Variants in SHTN1 observed in about 807,000 individuals in gnomAD.
The protein encoded by SHTN1 is shootin 1, also known as shootin-1.
SHTN1 carries 42 observed loss-of-function variants against 83.1 expected under a neutral mutation model. The ratio of observed to expected loss-of-function variants is 0.51; its 90% CI spans 0.39 to 0.65. The LOEUF (loss-of-function observed/expected upper bound fraction) is 0.65. SHTN1 is among the 30% of genes least tolerant of loss of function. The pLI is 0.00. For synonymous variants in SHTN1, 224 were observed against 247.7 expected (o/e 0.90, Z 0.90); for missense variants, 622 against 737.8 (o/e 0.84, Z 1.82).
intron 10 of SHTN1, among the ~76,000 whole-genome samples, chr10:116,928,518 C>T (rs1261167887): frequency 1.3e-5 from 2 of 152,186 alleles, no homozygotes; most frequent in African/African-American, 2.4e-5. Flanking sequence ...AATGGTGCTA[C>T]AGGAGACGTA....
intron 16 of SHTN1, among the ~76,000 whole-genome samples, chr10:116,895,938 C>T (rs1847501253): frequency 6.6e-6 from 1 of 152,114 alleles, no homozygotes; most frequent in South Asian, 2.1e-4. Context: ...TAGTGAAATA[C>T]AGTAACAACA....
chr10:116,960,023 G>C, intron 4 of SHTN1, 113 bp downstream of exon 4: 1 of 625,924 alleles, frequency 1.6e-6, no homozygotes, highest in East Asian at 2.7e-5. Context: ...CTCATCATCA[G>C]AGTAGATAAT....
intron 1 of SHTN1, among the ~76,000 whole-genome samples, chr10:116,987,738 A>AACC (rs1406189510): frequency 1.3e-5 from 2 of 152,094 alleles, no homozygotes; most frequent in African/African-American, 4.8e-5. Flanking sequence ...AACATAGTGA[A>AACC]ACCCCGTCTC....
intron 1 of SHTN1, among the ~76,000 whole-genome samples, chr10:117,059,813 G>A (rs1050863877): frequency 1.3e-5 from 2 of 152,154 alleles, no homozygotes; most frequent in Non-Finnish European, 2.9e-5. Context: ...AGTTTTGGAA[G>A]ATTGTACCAT....
At chr10:117,118,815 G>A (rs1237442215) in intron 1 of SHTN1, among the ~76,000 whole-genome samples, 1 of 152,178 alleles carries the variant, frequency 6.6e-6, no homozygotes, top group African/African-American at 2.4e-5. Flanking sequence ...TCAGGAAGAA[G>A]AGCTAATGGA....
chr10:117,044,080 A>T (rs555620927), intron 2 of SHTN1, among the ~76,000 whole-genome samples: 1 of 152,282 alleles, frequency 6.6e-6, no homozygotes, highest in African/African-American at 2.4e-5. Flanking sequence ...ACTATTTTTT[A>T]AGTTACGAAA....
intron 7 of SHTN1, 25 bp downstream of exon 7, chr10:116,948,891 A>G (rs367823527): frequency 1.3e-6 from 2 of 1,491,112 alleles, no homozygotes; most frequent in African/African-American, 2.8e-5. Flanking sequence ...TACGTATTTG[A>G]GAAAAAAAGA....
intron 16 of SHTN1, among the ~76,000 whole-genome samples, chr10:116,899,506 GGTGTGTGTGTGTGT>G (rs370396879): frequency 8.8e-5 from 11 of 124,500 alleles, no homozygotes; most frequent in Non-Finnish European, 1.2e-4. Flanking sequence ...GGCTGGGGCT[GGTGTGTGTGTGTGT>G]GTGTGTGTGT....
chr10:117,007,531 G>C (rs1427938353), upstream of SHTN1, among the ~76,000 whole-genome samples: 1 of 143,250 alleles, frequency 7.0e-6, no homozygotes, highest in African/African-American at 2.6e-5. Flanking sequence ...CTGCAGCCTG[G>C]GTGACAGAGT....
intron 1 of SHTN1, among the ~76,000 whole-genome samples, chr10:117,122,753 A>C (rs1355112390): frequency 6.6e-6 from 1 of 152,256 alleles, no homozygotes; most frequent in Non-Finnish European, 1.5e-5. Context: ...ATCTAGGAAC[A>C]GCAATTCCAA....
chr10:116,920,223 C>T (rs1848509462), intron 12 of SHTN1, among the ~76,000 whole-genome samples: 1 of 152,082 alleles, frequency 6.6e-6, no homozygotes, highest in South Asian at 2.1e-4. Context: ...GCTATCTGCC[C>T]AGAATCTGCA....
At chr10:117,024,106 A>ATGAT (rs79729476) in intron 2 of SHTN1, among the ~76,000 whole-genome samples, 1 of 151,268 alleles carries the variant, frequency 6.6e-6, no homozygotes, top group African/African-American at 2.4e-5. Context: ...GGCACTCTGA[A>ATGAT]TTTTTTTAAA....
At chr10:117,052,862 C>T (rs189514880) in intron 1 of SHTN1, among the ~76,000 whole-genome samples, 121 of 150,248 alleles carry the variant, frequency 8.1e-4, no homozygotes, top group African/African-American at 2.6e-3. Context: ...TACAAAAATA[C>T]CAACAAAAAT....
chr10:116,968,146 C>A (rs1389078259), intron 3 of SHTN1, among the ~76,000 whole-genome samples: 1 of 152,154 alleles, frequency 6.6e-6, no homozygotes, highest in African/African-American at 2.4e-5. Context: ...CTTGCTACTG[C>A]ACTCCAGCCT....
At chr10:116,888,135 T>G (rs190201440) in intron 16 of SHTN1, among the ~76,000 whole-genome samples, 66 of 152,272 alleles carry the variant, frequency 4.3e-4, no homozygotes, top group Admixed American at 2.0e-3. Flanking sequence ...ACAAAAATAA[T>G]CAGGAGCCTG....
rs557036222 is a variant in SHTN1 at position 116,945,736 on chromosome 10, T to C, written c.617-718A>G. 5.0e-4 allele frequency among the ~76,000 whole-genome samples: 76 copies of C among 152,316 alleles called. No individual in the cohort carries two copies. In the South Asian group the frequency reaches 8.7e-3, roughly 17 times the overall value. ...AAAATTTGACATTTGGCATGTGTCT[T>C]AAAGCAACTCTTGGACATGTGCACC... On this transcript the variant is annotated intron_variant, in intron 7 of 16. Coordinates refer to ENST00000355371, the MANE Select transcript of SHTN1 (RefSeq NM_001127211.3).
At chr10:117,106,480 G>T (rs1283021288) in intron 1 of SHTN1, among the ~76,000 whole-genome samples, 1 of 152,024 alleles carries the variant, frequency 6.6e-6, no homozygotes, top group Non-Finnish European at 1.5e-5. Context: ...TAACAAAACA[G>T]CTCTAATGAT....
intron 2 of SHTN1, among the ~76,000 whole-genome samples, chr10:117,018,843 T>C (rs1852222117): frequency 6.6e-6 from 1 of 152,154 alleles, no homozygotes; most frequent in Non-Finnish European, 1.5e-5. Flanking sequence ...AGTGCTGGGA[T>C]TACAGGCGTG....
At chr10:116,893,340 C>G (rs1201838796) in intron 16 of SHTN1, among the ~76,000 whole-genome samples, 1 of 152,116 alleles carries the variant, frequency 6.6e-6, no homozygotes, top group African/African-American at 2.4e-5. Flanking sequence ...ACATGGAGAA[C>G]CTTTGTAGCA....
Sources: allele counts gnomAD v4.1 joint callset (sites outside exome capture counted in the v4.1 genomes callset), GRCh38; gene constraint gnomAD v4.1.1; transcripts MANE v1.5; gene names NCBI Gene and HGNC (gene_info 2026-07-23, HGNC 2026-07-21).